DFFA: variants seen among roughly 807,000 people sequenced by gnomAD.
DFFA encodes DNA fragmentation factor subunit alpha.
Under a neutral mutation model 28.0 loss-of-function variants are expected in DFFA, and 14 were observed. That is an observed-to-expected ratio of 0.50 (90% CI 0.33 to 0.78). The LOEUF (loss-of-function observed/expected upper bound fraction) is 0.78, where lower values mean the gene tolerates loss of function less well. Ranked by LOEUF, DFFA falls within the 30% of genes least tolerant of loss-of-function variation. The pLI is 0.02. For missense variants in DFFA, 395 were observed against 407.1 expected (o/e 0.97, Z 0.26); for synonymous variants, 158 against 170.3 (o/e 0.93, Z 0.56).
In DFFA at chr1:10,467,330, C is replaced by T. The variant is rs759848494; in HGVS notation, c.301G>A (p.Gly101Arg). The change falls in exon 3 of 6, where the codon GGA becomes AGA. Residue 101 changes from glycine (G) to arginine (R), a missense_variant and splice_region_variant. Gly to Arg is a moderately radical substitution (Grantham distance 125). Transcript: ENST00000377038. ...NEKWAYNNSD[G>R]GTAWISQESF... is the part of the protein sequence containing the mutation. ...TCTTGGGAAATCCAAGCTGTACCTC[C>T]ATCTGACACATGGGAGAAAATGCCA... The T allele has an allele frequency of 6.8e-6, 11 of 1,614,158 alleles. No individual in the cohort carries two copies. The highest frequency in any genetic ancestry group is 1.1e-5 in the South Asian group (1 of 91,082).
chr1:10,458,205 C>T lies in DFFA; in HGVS notation c.*3285G>A, dbSNP rs1294356936. The T allele has an allele frequency of 6.6e-6, 1 of 152,188 alleles. No homozygotes were observed. Among genetic ancestry groups the T allele is most frequent in the African/African-American group, 2.4e-5 (1 of 41,454 alleles). The allele number at this position is 152,188 out of a possible 1,614,324, so 9.4% of individuals were successfully genotyped here. A position where few individuals can be genotyped will look rare whatever the true frequency, so the allele number is the denominator to read the frequency against. On this transcript the variant is annotated 3_prime_UTR_variant, in exon 6 of 6. Transcript: ENST00000377038. ...TGCACAGCGATTCCGTGTGTAAGTGCAAGCATCTGACAGTGAAACACACAC... is the reference window on the plus strand; with the variant it reads ...TGCACAGCGATTCCGTGTGTAAGTGTAAGCATCTGACAGTGAAACACACAC...
rs543450804 is a variant in DFFA, at chr1:10,468,918, C to A, written c.298+259G>T. The stretch of plus-strand genomic sequence containing the variant: ...CATGCTCAGCTAGTTTTTGTATTTT[C>A]AGTAGAGATGGACTTTCGCCATGTT... On this transcript the variant is annotated intron_variant, in intron 2 of 5. Coordinates refer to ENST00000377038, the MANE Select transcript of DFFA (RefSeq NM_004401.3). Among the ~76,000 whole-genome samples, 6 of 152,058 alleles carry A rather than the reference C, an allele frequency of 3.9e-5. No homozygotes were observed. In the East Asian group the frequency reaches 1.2e-3, roughly 29 times the overall value.
intron 4 of DFFA, 95 bp from the exon 5 acceptor site, chr1:10,463,304 GT>G: frequency 1.3e-6 from 2 of 1,554,654 alleles, no homozygotes; most frequent in Non-Finnish European, 1.7e-6. Context: ...AGAGAGAAAC[GT>G]GCCCGTCCCG....
At chr1:10,463,314 C>T (rs956395061) in intron 4 of DFFA, 105 bp from the exon 5 acceptor site, 14 of 1,547,716 alleles carry the variant, frequency 9.0e-6, no homozygotes, top group African/African-American at 6.8e-5. Flanking sequence ...GTGCCCGTCC[C>T]GCATCCCAGC....
intron 5 of DFFA, chr1:10,462,633 C>T: frequency 9.8e-7 from 1 of 1,016,140 alleles, no homozygotes; most frequent in Non-Finnish European, 1.2e-6. Context: ...GGCAGGTTCC[C>T]TTCCTCAAGT....
rs186706069 is a variant in DFFA, at chr1:10,464,439, G to A, written c.442-819C>T. Reference sequence around the variant, plus strand: ...TGTTAAAATTGGGAAGAAGGGTCGGGTGTAGTGGCTTACACCTATAATCCC... The same window carrying A: ...TGTTAAAATTGGGAAGAAGGGTCGGATGTAGTGGCTTACACCTATAATCCC... On this transcript the variant is annotated intron_variant, in intron 3 of 5. Coordinates refer to ENST00000377038, the MANE Select transcript of DFFA (RefSeq NM_004401.3). 2.6e-3 allele frequency among the ~76,000 whole-genome samples: 395 copies of A among 152,310 alleles called. 1 individual carries two copies. Among genetic ancestry groups the A allele is most frequent in the African/African-American group, 8.9e-3 (371 of 41,576 alleles).
chr1:10,457,811 C>T lies in DFFA; in HGVS notation c.*3679G>A, dbSNP rs1392654665. ...TCCACAGGACATTTTCCATTATCCA[C>T]CCAGTTCAGCCGCTTGGTGGGCTTG... On this transcript the variant is annotated 3_prime_UTR_variant, in exon 6 of 6. Transcript: ENST00000377038. The T allele has an allele frequency of 6.6e-6, 1 of 152,216 alleles. No homozygotes were observed. The highest frequency in any genetic ancestry group is 2.4e-5 in the African/African-American group (1 of 41,438). The allele number at this position is 152,216 out of a possible 1,614,324, so 9.4% of individuals were successfully genotyped here.
Position 10,472,105 on chromosome 1 carries a change from G to T in DFFA, c.136+218C>A, listed in dbSNP as rs568551565. 5.9e-5 allele frequency among the ~76,000 whole-genome samples: 9 copies of T among 152,218 alleles called. No homozygotes were observed. Among genetic ancestry groups the T allele is most frequent in the African/African-American group, 2.2e-4 (9 of 41,538 alleles). On this transcript the variant is annotated intron_variant, in intron 1 of 5. Coordinates refer to ENST00000377038, the MANE Select transcript of DFFA (RefSeq NM_004401.3). The surrounding 1 kb of genome is among the most constrained non-coding windows in gnomAD (Gnocchi z 5.0). The stretch of plus-strand genomic sequence containing the variant: ...GGCTTAATTTGCACATTGCTTCCTG[G>T]CTGTCTTCCCACCACCGTGGAGTCT...
rs1269455490 is a variant in DFFA, at chr1:10,461,198, G to A, written c.*292C>T. 3.6e-5 allele frequency: 12 copies of A among 336,020 alleles called. No individual in the cohort carries two copies. The highest frequency in any genetic ancestry group is 2.8e-4 in the South Asian group (7 of 24,654). 20.8% of individuals were successfully genotyped at this position (336,020 alleles called of 1,614,324 possible). On this transcript the variant is annotated 3_prime_UTR_variant, in exon 6 of 6. Transcript: ENST00000377038. ...GCTGGGATTACAGGCGTGAGCCACT[G>A]CGCCTGGCCAATCACTGCCAATTAC...
At position 10,461,208 on chromosome 1, in the gene DFFA, A is replaced by C. The variant is rs664947; in HGVS notation, c.*282T>G. 2.7e-6 allele frequency: 1 copy of C among 364,840 alleles called. No homozygotes were observed. Among genetic ancestry groups the C allele is most frequent in the South Asian group, 3.8e-5 (1 of 25,978 alleles). 22.6% of individuals were successfully genotyped at this position (364,840 alleles called of 1,614,324 possible). ...CAGGCGTGAGCCACTGCGCCTGGCC[A>C]ATCACTGCCAATTACTTTTGAACAG... On this transcript the variant is annotated 3_prime_UTR_variant, in exon 6 of 6. Transcript: ENST00000377038.
At chr1:10,470,015 C>T (rs192694187) in intron 1 of DFFA, among the ~76,000 whole-genome samples, 10 of 152,040 alleles carry the variant, frequency 6.6e-5, no homozygotes, top group East Asian at 3.9e-4. Context: ...GGGGTTTCAC[C>T]ATCTTGGCCA....
chr1:10,464,959 AAT>A (rs1306427811), intron 3 of DFFA, among the ~76,000 whole-genome samples: 1 of 152,040 alleles, frequency 6.6e-6, no homozygotes, highest in Non-Finnish European at 1.5e-5. Flanking sequence ...GGGCTCAATA[AAT>A]ATGTTTTGGG....
chr1:10,471,358 G>C (rs1443579234), intron 1 of DFFA, among the ~76,000 whole-genome samples: 1 of 152,174 alleles, frequency 6.6e-6, no homozygotes, highest in African/African-American at 2.4e-5. Context: ...TGTATGCGCT[G>C]GACTGCAGAG....
At chr1:10,471,151 A>C (rs1641093559) in intron 1 of DFFA, among the ~76,000 whole-genome samples, 1 of 152,156 alleles carries the variant, frequency 6.6e-6, no homozygotes, top group Admixed American at 6.6e-5. Context: ...AAAGTATAAA[A>C]GAAGTGGAAG....
chr1:10,464,829 T>G (rs144212799), intron 3 of DFFA, among the ~76,000 whole-genome samples: 25 of 152,370 alleles, frequency 1.6e-4, no homozygotes, highest in African/African-American at 5.5e-4. Context: ...CTGTCTGATA[T>G]GCTTTCCTGT....
chr1:10,469,400 G>A, intron 1 of DFFA, 62 bp from the exon 2 acceptor site: 1 of 1,486,462 alleles, frequency 6.7e-7, no homozygotes, highest in Non-Finnish European at 9.3e-7. Context: ...ATCTATCCCT[G>A]CATCTCAAGT....
intron 5 of DFFA, chr1:10,462,288 T>C (rs972614552): frequency 3.5e-5 from 11 of 313,948 alleles, no homozygotes; most frequent in Non-Finnish European, 4.6e-5. Flanking sequence ...CCCACCACCA[T>C]GCCAGGCTAA....
chr1:10,467,450 C>A (rs1641039163), intron 2 of DFFA, 118 bp from the exon 3 acceptor site: 1 of 1,128,058 alleles, frequency 8.9e-7, no homozygotes, highest in Non-Finnish European at 1.3e-6. Flanking sequence ...AAAGAAGCAT[C>A]TTATCTCAAG....
chr1:10,463,743 C>G, intron 3 of DFFA, 123 bp from the exon 4 acceptor site: 1 of 931,390 alleles, frequency 1.1e-6, no homozygotes, highest in South Asian at 1.8e-5. Context: ...CGGCTCACTG[C>G]AACCTCCGCC....
Sources: allele counts gnomAD v4.1 joint callset (sites outside exome capture counted in the v4.1 genomes callset), GRCh38; gene constraint gnomAD v4.1.1; non-coding constraint Gnocchi (gnomAD v3.1); transcripts MANE v1.5; gene names NCBI Gene and HGNC (gene_info 2026-07-23, HGNC 2026-07-21).